LIG1: variants seen among roughly 807,000 people sequenced by gnomAD.
The protein encoded by LIG1 is ligase I, DNA, ATP-dependent.
A neutral mutation model predicts 115.7 loss-of-function variants in LIG1; 70 were observed. The observed-to-expected ratio is 0.60, with a 90% CI of 0.50 to 0.74. The LOEUF is 0.74. LIG1 is among the 30% of genes least tolerant of loss of function. The pLI, the probability that LIG1 is intolerant of heterozygous loss-of-function variation, is 0.00. For synonymous variants in LIG1, 487 were observed against 495.3 expected (o/e 0.98, Z 0.22); for missense variants, 1,115 against 1,225.6 (o/e 0.91, Z 1.35).
intron 11 of LIG1, among the ~76,000 whole-genome samples, chr19:48,141,549 G>A (rs2034758013): frequency 6.6e-6 from 1 of 152,186 alleles, no homozygotes; most frequent in South Asian, 2.1e-4. Context: ...GCTTGCCCAA[G>A]GTCACAGAGC....
At position 48,115,913 on chromosome 19, in the gene LIG1, C is replaced by G. The variant is rs771419079; in HGVS notation, c.2636G>C (p.Arg879Pro). ...GGCCTGCTCCGGCTGCTTGTCTTCA[C>G]GGACTCGAATAAACCGAGGGAAGCG... ...SLRFPRFIRVREDKQPEQATT... is the reference protein window; with the variant it reads ...SLRFPRFIRVPEDKQPEQATT... The change falls in exon 27 of 28, where the codon CGT becomes CCT. Residue 879 changes from arginine (R) to proline (P), a missense_variant. Transcript: ENST00000263274. The G allele has an allele frequency of 6.2e-7, 1 of 1,614,000 alleles. No homozygotes were observed. Among genetic ancestry groups the G allele is most frequent in the Non-Finnish European group, 8.5e-7 (1 of 1,179,980 alleles).
chr19:48,127,902 G>A lies in LIG1; in HGVS notation c.1932+8C>T, dbSNP rs749343947. ...GGCCTTGGCAGGCAGTGGAGCGGGT[G>A]ATGCTACCTTGCGTTTGCGGGTGGT... On this transcript the variant is annotated splice_region_variant and intron_variant, in intron 20 of 27. Coordinates refer to ENST00000263274, the MANE Select transcript of LIG1 (RefSeq NM_000234.3). 6.8e-6 allele frequency: 11 copies of A among 1,610,144 alleles called. No homozygotes were observed. Among genetic ancestry groups the A allele is most frequent in the African/African-American group, 1.3e-5 (1 of 74,878 alleles).
chr19:48,142,946 T>C (rs1046216125), intron 11 of LIG1, among the ~76,000 whole-genome samples: 7 of 152,134 alleles, frequency 4.6e-5, no homozygotes, highest in African/African-American at 1.7e-4. Flanking sequence ...CCAGCCTCCA[T>C]GATAATATTT....
chr19:48,165,778 T>C (rs781223264), intron 1 of LIG1, 155 bp from the exon 2 acceptor site: 2 of 669,498 alleles, frequency 3.0e-6, no homozygotes, highest in Non-Finnish European at 5.3e-6. Flanking sequence ...CCAAAATAAT[T>C]TGCTGGTGAG....
chr19:48,129,066 CT>C (rs1437482253), intron 19 of LIG1, among the ~76,000 whole-genome samples: 1 of 143,862 alleles, frequency 7.0e-6, no homozygotes, highest in Non-Finnish European at 1.5e-5. Context: ...GGCCTCTTTT[CT>C]TTTTTGAGAC....
At chr19:48,148,792 T>C (rs1401351288) in intron 9 of LIG1, among the ~76,000 whole-genome samples, 1 of 152,204 alleles carries the variant, frequency 6.6e-6, no homozygotes, top group East Asian at 1.9e-4. Flanking sequence ...CCCAGACATC[T>C]CTTCAAATAA....
chr19:48,126,563 A>C (rs1296140879), intron 21 of LIG1, among the ~76,000 whole-genome samples: 1 of 150,614 alleles, frequency 6.6e-6, no homozygotes, highest in Non-Finnish European at 1.5e-5. Flanking sequence ...CTGAGATCTC[A>C]CCACTGCACT....
Position 48,127,402 on chromosome 19 carries a change from G to A in LIG1, c.1933-54C>T, listed in dbSNP as rs539093839. The A allele has an allele frequency of 5.4e-4, 808 of 1,492,838 alleles. 9 individuals are homozygous for A. The South Asian group carries it at 7.8e-3, about 14-fold the overall frequency. The allele number at this position is 1,492,838 out of a possible 1,614,324, so 92.5% of individuals were successfully genotyped here. The stretch of plus-strand genomic sequence containing the variant: ...GTGCAGGAAGGTGAGACGGGGCACT[G>A]TGCCTGAGGCCGACAGCATTCATCT... On this transcript the variant is annotated intron_variant, in intron 20 of 27. Coordinates refer to ENST00000263274, the MANE Select transcript of LIG1 (RefSeq NM_000234.3).
chr19:48,133,499 C>T (rs1183670829), intron 17 of LIG1: 2 of 313,984 alleles, frequency 6.4e-6, no homozygotes, highest in Non-Finnish European at 1.2e-5. Context: ...ATCCCTGGGA[C>T]ACAGCTGCAC....
At chr19:48,130,427 A>AG (rs1189070873) in intron 19 of LIG1, among the ~76,000 whole-genome samples, 1 of 152,194 alleles carries the variant, frequency 6.6e-6, no homozygotes, top group Non-Finnish European at 1.5e-5. Flanking sequence ...GGGTGCAGAG[A>AG]AGTCCCCAAC....
intron 26 of LIG1, among the ~76,000 whole-genome samples, chr19:48,117,170 C>CT (rs918518074): frequency 1.3e-5 from 2 of 151,214 alleles, no homozygotes; most frequent in Non-Finnish European, 2.9e-5. Context: ...ATTTTCTTTT[C>CT]TTTTTTTGAG....
chr19:48,132,979 T>C lies in LIG1; in HGVS notation c.1725+3A>G. ...TGGAAGGGACATGTCCCACTCCCCA[T>C]ACCTGTGCCCTCTGCCCGTCATATT... On this transcript the variant is annotated splice_donor_region_variant and intron_variant, in intron 18 of 27. Transcript: ENST00000263274. 6.2e-7 allele frequency: 1 copy of C among 1,603,004 alleles called. No individual in the cohort carries two copies. The highest frequency in any genetic ancestry group is 8.5e-7 in the Non-Finnish European group (1 of 1,169,966).
chr19:48,122,891 C>T lies in LIG1; in HGVS notation c.2232+43G>A. On this transcript the variant is annotated intron_variant, in intron 23 of 27. Coordinates refer to ENST00000263274, the MANE Select transcript of LIG1 (RefSeq NM_000234.3). This position sits in a 1 kb window ranked among gnomAD's most constrained non-coding sequence, Gnocchi z 4.3. ...CCACTGCCTAGCTGGGACAGACCTC[C>T]AGACCCGGGGTGGAGAAGGCCCAGT... is the stretch of plus-strand genomic sequence containing the variant. The T allele has an allele frequency of 6.3e-7, 1 of 1,584,048 alleles. No individual in the cohort carries two copies.
At chr19:48,140,442 C>A (rs1448309682) in intron 11 of LIG1, among the ~76,000 whole-genome samples, 1 of 152,164 alleles carries the variant, frequency 6.6e-6, no homozygotes, top group Non-Finnish European at 1.5e-5. Flanking sequence ...TGGGCATAGG[C>A]AGAACTAACT....
chr19:48,165,507 G>T, intron 2 of LIG1, 43 bp downstream of exon 2: 4 of 1,369,594 alleles, frequency 2.9e-6, no homozygotes, highest in Non-Finnish European at 3.1e-6. Context: ...AGAAACAGAG[G>T]ACTTGGAGAA....
At chr19:48,121,534 G>T (rs112150467) in intron 23 of LIG1, among the ~76,000 whole-genome samples, 156 of 152,324 alleles carry the variant, frequency 1.0e-3, no homozygotes, top group Non-Finnish European at 1.6e-3. Flanking sequence ...GGGCACGGTG[G>T]CTCATGCCTG....
chr19:48,168,216 G>A (rs1355906554), intron 1 of LIG1, among the ~76,000 whole-genome samples: 1 of 152,140 alleles, frequency 6.6e-6, no homozygotes. Flanking sequence ...ATACATAAGC[G>A]TTTACTGGGA....
intron 21 of LIG1, among the ~76,000 whole-genome samples, chr19:48,123,896 A>C (rs2033481145): frequency 6.6e-6 from 1 of 152,096 alleles, no homozygotes; most frequent in Non-Finnish European, 1.5e-5. Flanking sequence ...GAATTCCAAA[A>C]GTTTTCACTG....
intron 21 of LIG1, 71 bp downstream of exon 21, chr19:48,127,206 G>T: frequency 8.0e-7 from 1 of 1,244,916 alleles, no homozygotes. Flanking sequence ...GGAAGTCAGA[G>T]GGGCAGCTGC....
Sources: gnomAD v4.1 joint callset for allele counts (sites outside exome capture counted in the v4.1 genomes callset) on GRCh38, gnomAD v4.1.1 for gene constraint, Gnocchi (gnomAD v3.1) non-coding constraint, MANE v1.5 for transcripts, NCBI Gene and HGNC (gene_info 2026-07-23, HGNC 2026-07-21) for gene names.